The following PDCD6IP variants were observed in gnomAD, a reference collection of about 807,000 sequenced individuals.
The protein encoded by PDCD6IP is programmed cell death 6 interacting protein.
Under a neutral mutation model 103.7 loss-of-function variants are expected in PDCD6IP, and 43 were observed. The ratio of observed to expected loss-of-function variants is 0.41; its 90% CI spans 0.32 to 0.53. PDCD6IP has a LOEUF of 0.53. Ranked by LOEUF, PDCD6IP falls within the 20% of genes least tolerant of loss-of-function variation. The probability of loss-of-function intolerance (pLI) is 0.16; values close to 1 mark genes in which losing one functional copy is unlikely to be tolerated. For missense variants in PDCD6IP, 871 were observed against 1,036.7 expected (o/e 0.84, Z 2.20); for synonymous variants, 354 against 378.7 (o/e 0.93, Z 0.76).
intron 1 of PDCD6IP, 60 bp downstream of exon 1, chr3:33,798,997 C>T (rs1696401436): frequency 7.3e-7 from 1 of 1,369,148 alleles, no homozygotes; most frequent in Non-Finnish European, 9.9e-7. Flanking sequence ...CGCTCCTCTT[C>T]CCGTCTCCCC....
chr3:33,863,961 A>AT (rs773985160), intron 15 of PDCD6IP, 45 bp from the exon 16 acceptor site: 5 of 1,330,420 alleles, frequency 3.8e-6, no homozygotes, highest in Non-Finnish European at 1.1e-6. Context: ...ATGTGTGTTA[A>AT]TTTTTTTCTA....
chr3:33,827,980 T>A (rs1272898583), intron 6 of PDCD6IP: 2 of 152,222 alleles, frequency 1.3e-5, no homozygotes, highest in Non-Finnish European at 2.9e-5. Context: ...AGTTTTTGAT[T>A]CTCTTACATT....
At position 33,868,567 on chromosome 3, in the gene PDCD6IP, G is replaced by A. The variant is rs1698117469; in HGVS notation, c.*2042G>A. The A allele has an allele frequency of 6.6e-6, 1 of 152,444 alleles. No individual in the cohort carries two copies. The highest frequency in any genetic ancestry group is 6.5e-5 in the Admixed American group (1 of 15,278). 9.4% of individuals were successfully genotyped at this position (152,444 alleles called of 1,614,324 possible). A position where few individuals can be genotyped will look rare whatever the true frequency, so the allele number is the denominator to read the frequency against. ...AACACAAACCCTTTCCCTCTTGTCA[G>A]TTCACTCATCCTTTGGTTTCTTTTT... On this transcript the variant is annotated 3_prime_UTR_variant, in exon 18 of 18. Transcript: ENST00000307296.
chr3:33,851,273 T>C (rs1697707395), intron 12 of PDCD6IP, among the ~76,000 whole-genome samples: 1 of 151,390 alleles, frequency 6.6e-6, no homozygotes, highest in Admixed American at 6.6e-5. Flanking sequence ...ATGAGCATCA[T>C]TGGGGCAAGC....
At position 33,866,541 on chromosome 3, in the gene PDCD6IP, G is replaced by A; in HGVS notation, c.*16G>A. 1.3e-6 allele frequency: 2 copies of A among 1,578,786 alleles called. No homozygotes were observed. Among genetic ancestry groups the A allele is most frequent in the South Asian group, 2.4e-5 (2 of 84,472 alleles). ...ACAGCAGTAATATGTCTGCTCAGCA[G>A]CTCAGCTGATTCAGATCAGAGGGAA... On this transcript the variant is annotated 3_prime_UTR_variant, in exon 18 of 18. Coordinates refer to ENST00000307296, the MANE Select transcript of PDCD6IP (RefSeq NM_013374.6).
At position 33,836,091 on chromosome 3, in the gene PDCD6IP, T is replaced by C. The variant is rs192418260; in HGVS notation, c.882T>C (p.Tyr294=). The C allele has an allele frequency of 1.3e-5, 21 of 1,612,832 alleles. No homozygotes were observed. In the East Asian group the frequency reaches 4.5e-4, roughly 34 times the overall value. The part of the protein sequence containing the change: ...IKTVASRYDE[Y]VNVKDFSDKI... ...CAGTGGCATCTCGCTATGATGAATATGTTAATGTGAAGGATTTTTCTGACA... is the reference window on the plus strand; with the variant it reads ...CAGTGGCATCTCGCTATGATGAATACGTTAATGTGAAGGATTTTTCTGACA... The change falls in exon 8 of 18, where the codon TAT becomes TAC. Residue 294 remains tyrosine, a synonymous_variant. Transcript: ENST00000307296.
chr3:33,826,720 T>C, intron 6 of PDCD6IP, 140 bp downstream of exon 6: 3 of 1,116,686 alleles, frequency 2.7e-6, no homozygotes, highest in Non-Finnish European at 3.5e-6. Flanking sequence ...TAGAAATAGT[T>C]TTTTTTTTTT....
chr3:33,828,702 C>A, intron 6 of PDCD6IP, 151 bp from the exon 7 acceptor site: 2 of 579,234 alleles, frequency 3.5e-6, no homozygotes, highest in Non-Finnish European at 2.8e-6. Context: ...GTCGTCTTCT[C>A]TGTTTACACC....
intron 14 of PDCD6IP, 29 bp from the exon 15 acceptor site, chr3:33,855,137 C>T (rs1053075020): frequency 7.1e-7 from 1 of 1,405,094 alleles, no homozygotes. Flanking sequence ...TGTTCTTGTT[C>T]CTTACTTGTA....
intron 9 of PDCD6IP, among the ~76,000 whole-genome samples, chr3:33,839,332 A>G (rs1456264745): frequency 2.0e-5 from 3 of 152,236 alleles, no homozygotes; most frequent in Non-Finnish European, 2.9e-5. Context: ...CAGTACTTAC[A>G]GTATGTACAG....
At position 33,864,047 on chromosome 3, in the gene PDCD6IP, C is replaced by T. The variant is rs764262607; in HGVS notation, c.2162C>T (p.Ser721Leu). ...ATTGCCAGAGAACCTAGTGCTCCTT[C>T]AATTCCTACACCTGCGTATCAGTCC... ...QSIAREPSAP[S>L]IPTPAYQSSP... The change falls in exon 16 of 18, where the codon TCA (serine) becomes TTA (leucine). Residue 721 changes from serine to leucine, a missense_variant. Ser to Leu is a moderately radical substitution (Grantham distance 145). This residue lies in a region of PDCD6IP where 202 missense variants were observed against 205.2 expected (regional missense o/e 0.98). Transcript: ENST00000307296. The T allele has an allele frequency of 6.2e-7, 1 of 1,614,068 alleles. No individual in the cohort carries two copies. The highest frequency in any genetic ancestry group is 1.1e-5 in the South Asian group (1 of 91,068).
At chr3:33,844,755 A>T (rs1697555368) in intron 11 of PDCD6IP, among the ~76,000 whole-genome samples, 2 of 152,194 alleles carry the variant, frequency 1.3e-5, no homozygotes, top group African/African-American at 4.8e-5. Context: ...TGATGAGATT[A>T]CAGGCTTGAA....
At chr3:33,799,521 A>G (rs1051998034) in intron 1 of PDCD6IP, 3 of 152,470 alleles carry the variant, frequency 2.0e-5, no homozygotes, top group African/African-American at 7.2e-5. Flanking sequence ...CTCTAGTTAC[A>G]TAGTTGAACC....
At chr3:33,847,977 C>G (rs4679091) in intron 12 of PDCD6IP, among the ~76,000 whole-genome samples, 1 of 150,014 alleles carries the variant, frequency 6.7e-6, no homozygotes, top group East Asian at 1.9e-4. Flanking sequence ...GAGGGGGTAC[C>G]TTTAAAAAAA....
At chr3:33,825,458 T>G in intron 5 of PDCD6IP, 118 bp downstream of exon 5, 1 of 838,570 alleles carries the variant, frequency 1.2e-6, no homozygotes, top group African/African-American at 1.7e-5. Context: ...ACTTGATACA[T>G]GAATTATGGA....
intron 3 of PDCD6IP, among the ~76,000 whole-genome samples, chr3:33,818,752 C>G (rs957057216): frequency 6.6e-6 from 1 of 151,648 alleles, no homozygotes; most frequent in African/African-American, 2.4e-5. Flanking sequence ...CTCTTGACCT[C>G]GTGATCTGTC....
intron 6 of PDCD6IP, chr3:33,827,309 A>G (rs1697148805): frequency 1.5e-6 from 1 of 684,926 alleles, no homozygotes; most frequent in Admixed American, 6.3e-5. Context: ...TGTTCAAGGA[A>G]TTAGTTTCAT....
intron 3 of PDCD6IP, among the ~76,000 whole-genome samples, chr3:33,815,101 G>A (rs1006038760): frequency 4.0e-5 from 6 of 148,556 alleles, no homozygotes; most frequent in South Asian, 2.1e-4. Flanking sequence ...ATACATACAT[G>A]TATCTATATA....
chr3:33,853,845 T>C, intron 13 of PDCD6IP, 34 bp from the exon 14 acceptor site: 1 of 1,358,012 alleles, frequency 7.4e-7, no homozygotes. Context: ...ATTTTATAAA[T>C]AAATGTAAAT....
Sources: gnomAD v4.1 joint callset for allele counts (sites outside exome capture counted in the v4.1 genomes callset) on GRCh38, gnomAD v4.1.1 for gene constraint, gnomAD v4.1.1 regional missense constraint, MANE v1.5 for transcripts, NCBI Gene and HGNC (gene_info 2026-07-23, HGNC 2026-07-21) for gene names.